DGKG: variants seen among roughly 807,000 people sequenced by gnomAD.
DGKG encodes the protein diacylglycerol kinase gamma.
DGKG carries 78 observed loss-of-function variants against 105.3 expected under a neutral mutation model. The observed-to-expected ratio is 0.74, with a 90% confidence interval of 0.62 to 0.89. DGKG has a LOEUF of 0.89. DGKG is among the 40% of genes least tolerant of loss of function. DGKG has a pLI of 0.00. For missense variants in DGKG, 958 were observed against 1,020.1 expected (o/e 0.94, Z 0.83); for synonymous variants, 346 against 367.1 (o/e 0.94, Z 0.66).
At chr3:186,172,814 TC>T (rs2108487334) in intron 22 of DGKG, among the ~76,000 whole-genome samples, 1 of 152,344 alleles carries the variant, frequency 6.6e-6, no homozygotes, top group Admixed American at 6.5e-5. Context: ...TTAGGGTAGG[TC>T]ATTTGTTCTC....
At chr3:186,180,135 G>A (rs1277258994) in intron 22 of DGKG, among the ~76,000 whole-genome samples, 2 of 152,234 alleles carry the variant, frequency 1.3e-5, no homozygotes, top group African/African-American at 2.4e-5. Context: ...CAAGCCAGTC[G>A]TGAAGGGAAA....
At position 186,197,593 on chromosome 3, in the gene DGKG, A is replaced by T. The variant is rs559195545; in HGVS notation, c.1918-9214T>A. Among the ~76,000 whole-genome samples, 262 of 152,312 alleles carry T rather than the reference A, an allele frequency of 1.7e-3. 1 individual carries two copies. Among genetic ancestry groups the T allele is most frequent in the African/African-American group, 5.9e-3 (247 of 41,566 alleles). On this transcript the variant is annotated intron_variant, in intron 21 of 24. Transcript: ENST00000265022. ...ATTTCTGATACCGTGGGCGGGGAGC[A>T]GCCTCTCTCTGTGAATTAGCTTGGC...
At chr3:186,195,438 A>G (rs937469080) in intron 21 of DGKG, among the ~76,000 whole-genome samples, 1 of 152,130 alleles carries the variant, frequency 6.6e-6, no homozygotes, top group Non-Finnish European at 1.5e-5. Flanking sequence ...AAGTCTTTAC[A>G]TTGCATTTGT....
At chr3:186,285,994 G>C (rs373665117) in intron 6 of DGKG, among the ~76,000 whole-genome samples, 41 of 152,184 alleles carry the variant, frequency 2.7e-4, no homozygotes, top group African/African-American at 8.4e-4. Flanking sequence ...TCCTGCTATT[G>C]TTTAAAACCC....
chr3:186,326,247 C>A (rs1305336229), intron 1 of DGKG, among the ~76,000 whole-genome samples: 1 of 152,086 alleles, frequency 6.6e-6, no homozygotes, highest in East Asian at 1.9e-4. Context: ...CAAAAATTAG[C>A]TGGGTGTGGT....
chr3:186,346,594 G>A (rs1726341097), intron 1 of DGKG, among the ~76,000 whole-genome samples: 1 of 151,946 alleles, frequency 6.6e-6, no homozygotes, highest in South Asian at 2.1e-4. Flanking sequence ...ATGGTGAGTG[G>A]ATGTACACAG....
intron 2 of DGKG, among the ~76,000 whole-genome samples, chr3:186,316,258 A>G (rs1259207467): frequency 2.0e-5 from 3 of 152,212 alleles, no homozygotes; most frequent in Non-Finnish European, 1.5e-5. Flanking sequence ...TCAGCACACA[A>G]GTTTTGAAGT....
At chr3:186,286,539 G>GT (rs1723078536) in intron 6 of DGKG, among the ~76,000 whole-genome samples, 2 of 152,194 alleles carry the variant, frequency 1.3e-5, no homozygotes, top group African/African-American at 4.8e-5. Flanking sequence ...AATAGAAGGT[G>GT]TTTATCAATG....
chr3:186,241,254 A>G (rs980194656), intron 20 of DGKG, among the ~76,000 whole-genome samples: 5 of 152,148 alleles, frequency 3.3e-5, no homozygotes, highest in African/African-American at 1.2e-4. Flanking sequence ...GAATGTCTTC[A>G]ATGAACACTC....
chr3:186,308,995 A>G lies in DGKG; in HGVS notation c.68-2018T>C, dbSNP rs77006535. Among the ~76,000 whole-genome samples, 577 of 152,342 alleles carry G rather than the reference A, an allele frequency of 3.8e-3. 6 individuals are homozygous for G. The highest frequency in any genetic ancestry group is 0.017 in the East Asian group (90 of 5,188). ...TGCTCAAGAGCCAGGGTTGTAACTC[A>G]GGTCTAGTCTGGCTCAAAAGTGTAT... On this transcript the variant is annotated intron_variant, in intron 2 of 24. Transcript: ENST00000265022.
chr3:186,175,631 G>A (rs767031504), intron 22 of DGKG, among the ~76,000 whole-genome samples: 1 of 152,154 alleles, frequency 6.6e-6, no homozygotes, highest in Non-Finnish European at 1.5e-5. Flanking sequence ...TAAGGCCTGG[G>A]AGCCAGCAGA....
chr3:186,158,723 A>ATATC, intron 24 of DGKG: 2 of 972,178 alleles, frequency 2.1e-6, no homozygotes, highest in Non-Finnish European at 2.4e-6. Context: ...AAGCTTCTCA[A>ATATC]TATCTGTCTG....
At position 186,320,484 on chromosome 3, in the gene DGKG, A is replaced by C. The variant is rs374516616; in HGVS notation, c.-25T>G. On this transcript the variant is annotated 5_prime_UTR_variant, in exon 2 of 25. Coordinates refer to ENST00000265022, the MANE Select transcript of DGKG (RefSeq NM_001346.3). The stretch of plus-strand genomic sequence containing the variant: ...TTTTTAAACTTTATGTGAGTGGCTA[A>C]AGGGCAGTGATGGAGTTTTGTTCAC... 1.2e-5 allele frequency: 20 copies of C among 1,614,020 alleles called. No individual in the cohort carries two copies. Among genetic ancestry groups the C allele is most frequent in the Non-Finnish European group, 1.7e-5 (20 of 1,180,010 alleles).
In DGKG at chr3:186,231,321, C is replaced by T. The variant is rs965219950; in HGVS notation, c.1826+11183G>A. Reference sequence around the variant, plus strand: ...CACATGGAGAGGCAGGGAATTGTAGCAGGCTAAGAGGAGATGTGGAGTGGA... The same window carrying T: ...CACATGGAGAGGCAGGGAATTGTAGTAGGCTAAGAGGAGATGTGGAGTGGA... On this transcript the variant is annotated intron_variant, in intron 20 of 24. Coordinates refer to ENST00000265022, the MANE Select transcript of DGKG (RefSeq NM_001346.3). This position sits in a 1 kb window ranked among gnomAD's most constrained non-coding sequence, Gnocchi z 4.5. Among the ~76,000 whole-genome samples the T allele has an allele frequency of 4.6e-5, 7 of 152,134 alleles. No individual in the cohort carries two copies. Among genetic ancestry groups the T allele is most frequent in the Admixed American group, 2.6e-4 (4 of 15,264 alleles).
At chr3:186,355,258 C>T (rs368732169) in intron 1 of DGKG, among the ~76,000 whole-genome samples, 6 of 69,210 alleles carry the variant, frequency 8.7e-5, no homozygotes, top group African/African-American at 2.1e-4. Flanking sequence ...ACCACCAACA[C>T]CAACACCACT....
chr3:186,152,749 C>T (rs1387257352), intron 24 of DGKG, among the ~76,000 whole-genome samples: 1 of 152,108 alleles, frequency 6.6e-6, no homozygotes, highest in Non-Finnish European at 1.5e-5. Flanking sequence ...CTGCAACCTC[C>T]ACCTCCCAGG....
intron 1 of DGKG, among the ~76,000 whole-genome samples, chr3:186,337,907 T>G (rs961355125): frequency 1.3e-5 from 2 of 152,080 alleles, no homozygotes; most frequent in African/African-American, 2.4e-5. Context: ...CAGTGGCTCA[T>G]GCCTGTAATC....
intron 7 of DGKG, among the ~76,000 whole-genome samples, chr3:186,283,475 C>G (rs1722919530): frequency 1.3e-5 from 2 of 152,268 alleles, no homozygotes; most frequent in East Asian, 3.9e-4. Context: ...TTCAGATGCC[C>G]CCTCCTAGAG....
intron 2 of DGKG, among the ~76,000 whole-genome samples, chr3:186,310,234 T>A (rs1337451612): frequency 9.1e-6 from 1 of 109,364 alleles, no homozygotes; most frequent in Non-Finnish European, 1.7e-5. Context: ...ACCACTGCAC[T>A]CCAGCCTGGC....
Sources: allele counts gnomAD v4.1 joint callset (sites outside exome capture counted in the v4.1 genomes callset), GRCh38; gene constraint gnomAD v4.1.1; non-coding constraint Gnocchi (gnomAD v3.1); transcripts MANE v1.5; gene names NCBI Gene and HGNC (gene_info 2026-07-23, HGNC 2026-07-21).